Variants in CHCHD3 observed in about 807,000 individuals in gnomAD.
The protein encoded by CHCHD3 is coiled-coil-helix-coiled-coil-helix domain containing 3.
In CHCHD3, 20 loss-of-function variants were observed where a neutral mutation model predicts 38.2. The observed-to-expected ratio is 0.52, with a 90% confidence interval of 0.37 to 0.76. The LOEUF is 0.76. Ranked by LOEUF, CHCHD3 falls within the 30% of genes least tolerant of loss-of-function variation. The probability of loss-of-function intolerance (pLI) is 0.00; values close to 1 mark genes in which losing one functional copy is unlikely to be tolerated. For missense variants in CHCHD3, 245 were observed against 279.2 expected, an observed-to-expected ratio of 0.88 and a Z score of 0.87; for synonymous variants, 82 against 100.0, an observed-to-expected ratio of 0.82 and a Z score of 1.07.
intron 4 of CHCHD3, among the ~76,000 whole-genome samples, chr7:132,937,687 A>G (rs1243435174): frequency 6.6e-6 from 1 of 152,192 alleles, no homozygotes; most frequent in Non-Finnish European, 1.5e-5. Flanking sequence ...GCCTACTTCA[A>G]GCTACTAATG....
rs533222500 is a variant in CHCHD3 at position 133,079,453 on chromosome 7, C to G, written c.81+2404G>C. On this transcript the variant is annotated intron_variant, in intron 1 of 7. Transcript: ENST00000262570. The stretch of plus-strand genomic sequence containing the variant: ...CACATGCTCTTTCCACTACACAGCA[C>G]AGCACTTTCAAAGAATCTTAAAACT... 6.6e-5 allele frequency among the ~76,000 whole-genome samples: 10 copies of G among 152,340 alleles called. No homozygotes were observed. In the South Asian group the frequency reaches 2.1e-3, roughly 32 times the overall value.
At chr7:133,001,517 A>C (rs2117391609) in intron 3 of CHCHD3, among the ~76,000 whole-genome samples, 1 of 152,306 alleles carries the variant, frequency 6.6e-6, no homozygotes, top group South Asian at 2.1e-4. Flanking sequence ...CTAAAAACTA[A>C]GTTGTTTTTT....
intron 5 of CHCHD3, among the ~76,000 whole-genome samples, chr7:132,879,600 T>C (rs568917574): frequency 1.3e-5 from 2 of 151,426 alleles, no homozygotes; most frequent in Admixed American, 6.6e-5. Context: ...ACCACGGTCC[T>C]ACCCCTCGCT....
At chr7:132,914,139 T>TGTGTGTGTGTGC (rs1810041226) in intron 4 of CHCHD3, among the ~76,000 whole-genome samples, 1 of 150,202 alleles carries the variant, frequency 6.7e-6, no homozygotes, top group African/African-American at 2.4e-5. Flanking sequence ...TGTGTGTGTG[T>TGTGTGTGTGTGC]GTGTGTGTGT....
intron 5 of CHCHD3, among the ~76,000 whole-genome samples, chr7:132,854,149 C>T (rs1019224698): frequency 2.0e-5 from 3 of 152,056 alleles, no homozygotes; most frequent in African/African-American, 7.2e-5. Context: ...TACTCTGACT[C>T]AAAGGCTTCA....
At chr7:132,903,135 T>A (rs917281516) in intron 4 of CHCHD3, among the ~76,000 whole-genome samples, 3 of 152,124 alleles carry the variant, frequency 2.0e-5, no homozygotes, top group Non-Finnish European at 2.9e-5. Context: ...GTTCCACAAC[T>A]CCCCAAGACC....
At position 132,986,572 on chromosome 7, in the gene CHCHD3, G is replaced by T. The variant is rs114532607; in HGVS notation, c.252-11286C>A. ...AAAGGCGAATTTAATACCAGCAAAG[G>T]ATGGTTTGATAATTTGAGAAAGAGG... On this transcript the variant is annotated intron_variant, in intron 3 of 7. Coordinates refer to ENST00000262570, the MANE Select transcript of CHCHD3 (RefSeq NM_017812.4). Among the ~76,000 whole-genome samples the T allele has an allele frequency of 1.4e-3, 214 of 152,262 alleles. 1 individual carries two copies. Among genetic ancestry groups the T allele is most frequent in the African/African-American group, 4.8e-3 (200 of 41,550 alleles).
At chr7:132,884,103 A>G (rs1431179979) in intron 5 of CHCHD3, among the ~76,000 whole-genome samples, 1 of 152,076 alleles carries the variant, frequency 6.6e-6, no homozygotes, top group African/African-American at 2.4e-5. Flanking sequence ...TTTCTTACTA[A>G]TTCTCTGTTG....
chr7:132,843,689 A>C (rs1265916774), intron 5 of CHCHD3, among the ~76,000 whole-genome samples: 1 of 152,206 alleles, frequency 6.6e-6, no homozygotes, highest in Non-Finnish European at 1.5e-5. Flanking sequence ...TGCTTTTGTT[A>C]TCTCTGTTGT....
chr7:132,959,286 C>T (rs1811253824), intron 4 of CHCHD3, among the ~76,000 whole-genome samples: 1 of 152,224 alleles, frequency 6.6e-6, no homozygotes, highest in African/African-American at 2.4e-5. Flanking sequence ...GCCCCACAGC[C>T]ATATATCAAA....
intron 6 of CHCHD3, among the ~76,000 whole-genome samples, chr7:132,812,556 C>G (rs1554495607): frequency 6.6e-6 from 1 of 152,052 alleles, no homozygotes; most frequent in Non-Finnish European, 1.5e-5. Context: ...TAGTCTGAAC[C>G]ACCATAACCA....
chr7:132,795,817 T>A (rs750645029), intron 7 of CHCHD3, among the ~76,000 whole-genome samples: 24 of 152,354 alleles, frequency 1.6e-4, no homozygotes, highest in Non-Finnish European at 2.9e-4. Flanking sequence ...TATCATTAGC[T>A]TTCTAAAGTA....
intron 6 of CHCHD3, among the ~76,000 whole-genome samples, chr7:132,801,644 A>C (rs1806797695): frequency 6.6e-6 from 1 of 152,242 alleles, no homozygotes; most frequent in South Asian, 2.1e-4. Context: ...CGAACCAGTC[A>C]CACTGAGAGC....
intron 5 of CHCHD3, among the ~76,000 whole-genome samples, chr7:132,862,539 C>T (rs1247853186): frequency 6.6e-6 from 1 of 152,140 alleles, no homozygotes; most frequent in Non-Finnish European, 1.5e-5. Context: ...GGTCTTATCT[C>T]GATATTGATG....
intron 5 of CHCHD3, among the ~76,000 whole-genome samples, chr7:132,880,855 C>T (rs915000802): frequency 6.6e-6 from 1 of 152,154 alleles, no homozygotes; most frequent in Non-Finnish European, 1.5e-5. Flanking sequence ...GACTTGGAGA[C>T]TACTTCGTAG....
At chr7:132,947,330 C>G (rs1020814492) in intron 4 of CHCHD3, among the ~76,000 whole-genome samples, 3 of 151,858 alleles carry the variant, frequency 2.0e-5, no homozygotes, top group Admixed American at 2.0e-4. Flanking sequence ...GTACTAATTT[C>G]TTTTCCTTCC....
At chr7:132,985,678 T>TGGG (rs779064624) in intron 3 of CHCHD3, among the ~76,000 whole-genome samples, 3 of 35,160 alleles carry the variant, frequency 8.5e-5, no homozygotes, top group African/African-American at 3.6e-4. Flanking sequence ...GGGAGGGAGG[T>TGGG]GGGGGGGGGG....
chr7:132,857,240 G>A (rs920792799), intron 5 of CHCHD3, among the ~76,000 whole-genome samples: 1 of 152,048 alleles, frequency 6.6e-6, no homozygotes, highest in Non-Finnish European at 1.5e-5. Context: ...TTAAATCCAT[G>A]AAACTGGAGC....
intron 4 of CHCHD3, among the ~76,000 whole-genome samples, chr7:132,890,245 G>A (rs1562897872): frequency 6.6e-6 from 1 of 152,142 alleles, no homozygotes. Context: ...AGTGAAGTAC[G>A]TATGTTTACT....
Sources: gnomAD v4.1 joint callset for allele counts (sites outside exome capture counted in the v4.1 genomes callset) on GRCh38, gnomAD v4.1.1 for gene constraint, MANE v1.5 for transcripts, NCBI Gene and HGNC (gene_info 2026-07-23, HGNC 2026-07-21) for gene names.